Variants in ABCA1 observed in about 807,000 individuals in gnomAD.
The protein encoded by ABCA1 is phospholipid-transporting ATPase ABCA1.
ABCA1 carries 133 observed loss-of-function variants against 262.5 expected under a neutral mutation model. The observed-to-expected ratio is 0.51, with a 90% CI of 0.44 to 0.59. The LOEUF (loss-of-function observed/expected upper bound fraction) is 0.59, where lower values mean the gene tolerates loss of function less well. Ranked by LOEUF, ABCA1 falls within the 20% of genes least tolerant of loss-of-function variation. The pLI is 0.00. For synonymous variants in ABCA1, 1,022 were observed against 1,043.5 expected, an observed-to-expected ratio of 0.98 and a Z score of 0.40; for missense variants, 2,452 against 2,777.5, an observed-to-expected ratio of 0.88 and a Z score of 2.63.
intron 37 of ABCA1, 56 bp downstream of exon 37, chr9:104,798,365 T>A: frequency 6.3e-7 from 1 of 1,585,108 alleles, no homozygotes; most frequent in Non-Finnish European, 8.7e-7. Context: ...TTCTTATCCA[T>A]ATCAATCCAT....
chr9:104,858,222 G>A (rs1836016293), intron 7 of ABCA1, among the ~76,000 whole-genome samples: 1 of 151,684 alleles, frequency 6.6e-6, no homozygotes, highest in African/African-American at 2.4e-5. Flanking sequence ...ATGAGCTCTT[G>A]CTTAGTATTA....
chr9:104,914,014 T>G (rs186164465), intron 1 of ABCA1, among the ~76,000 whole-genome samples: 8,630 of 151,656 alleles, frequency 0.057, 274 homozygotes, highest in Middle Eastern at 0.088. Flanking sequence ...TTAGCCAGGA[T>G]GGTCTCGATC....
Position 104,811,807 on chromosome 9 carries a change from G to T in ABCA1, c.4050+767C>A, listed in dbSNP as rs368441487. ...CAATGGTCATCATCAACAAACAAAG[G>T]TAACTGAGGATCAGAGAGACTAAGC... On this transcript the variant is annotated intron_variant, in intron 28 of 49. Coordinates refer to ENST00000374736, the MANE Select transcript of ABCA1 (RefSeq NM_005502.4). Among the ~76,000 whole-genome samples the T allele has an allele frequency of 3.9e-5, 6 of 152,258 alleles. No homozygotes were observed. The South Asian group carries it at 1.2e-3, about 32-fold the overall frequency.
At chr9:104,847,122 G>A (rs1025272459) in intron 7 of ABCA1, among the ~76,000 whole-genome samples, 12 of 152,000 alleles carry the variant, frequency 7.9e-5, no homozygotes, top group African/African-American at 2.4e-4. Flanking sequence ...AACAAGAAAC[G>A]CCAGATCCAC....
At chr9:104,921,845 G>A (rs1475926524) in intron 1 of ABCA1, among the ~76,000 whole-genome samples, 1 of 152,154 alleles carries the variant, frequency 6.6e-6, no homozygotes, top group Non-Finnish European at 1.5e-5. Flanking sequence ...ATACACTCAA[G>A]AGGAAGACAA....
intron 3 of ABCA1, among the ~76,000 whole-genome samples, chr9:104,885,089 C>T (rs910857008): frequency 5.9e-5 from 9 of 151,900 alleles, no homozygotes; most frequent in African/African-American, 1.5e-4. Context: ...TACAAAAATT[C>T]GATGGGCTTG....
chr9:104,818,079 C>T (rs1831937231), intron 23 of ABCA1, among the ~76,000 whole-genome samples: 1 of 152,006 alleles, frequency 6.6e-6, no homozygotes, highest in South Asian at 2.1e-4. Flanking sequence ...CTACCAATTC[C>T]CTACAAGCCT....
intron 8 of ABCA1, among the ~76,000 whole-genome samples, chr9:104,844,626 G>T (rs944174154): frequency 6.6e-6 from 1 of 152,100 alleles, no homozygotes; most frequent in African/African-American, 2.4e-5. Flanking sequence ...TTAGATACAA[G>T]CACCAAAAAA....
chr9:104,916,489 C>T (rs1841849242), intron 1 of ABCA1, among the ~76,000 whole-genome samples: 1 of 152,200 alleles, frequency 6.6e-6, no homozygotes, highest in African/African-American at 2.4e-5. Flanking sequence ...AAGGAACAGA[C>T]ATCTACAGAC....
At chr9:104,818,906 T>C in intron 22 of ABCA1, 23 bp from the exon 23 acceptor site, 1 of 1,595,996 alleles carries the variant, frequency 6.3e-7, no homozygotes, top group Non-Finnish European at 8.6e-7. Flanking sequence ...AACACAAGGA[T>C]GTGGGACAGG....
chr9:104,798,531 T>A lies in ABCA1; in HGVS notation c.5011A>T (p.Ser1671Cys). 1.2e-6 allele frequency: 2 copies of A among 1,614,200 alleles called. No individual in the cohort carries two copies. Among genetic ancestry groups the A allele is most frequent in the Non-Finnish European group, 1.7e-6 (2 of 1,180,028 alleles). Residue 1671 changes from serine (S) to cysteine (C), a missense_variant, in exon 37 of 50, where the codon AGC becomes TGC. By Grantham distance (112) the Ser-to-Cys change is moderately radical. Transcript: ENST00000374736. Reference sequence around the variant, plus strand: ...TCCTGGATCAGGAATACGACAAAGCTGGCTGGGACGAAGGACATTGCAAAG... The same window carrying A: ...TCCTGGATCAGGAATACGACAAAGCAGGCTGGGACGAAGGACATTGCAAAG... ...VIFAMSFVPA[S>C]FVVFLIQERV... is the part of the protein sequence containing the mutation.
rs1828568109 is a variant in ABCA1 at position 104,781,884 on chromosome 9, G to A, written c.*2431C>T. On this transcript the variant is annotated 3_prime_UTR_variant, in exon 50 of 50. Transcript: ENST00000374736. ...TGGTAAAAATTTCTACCACAATTAG[G>A]TTTACACAGGAAAATGTAAAAAATT... 6.6e-6 allele frequency: 1 copy of A among 152,160 alleles called. No homozygotes were observed. Among genetic ancestry groups the A allele is most frequent in the Admixed American group, 6.6e-5 (1 of 15,258 alleles). 9.4% of individuals were successfully genotyped at this position (152,160 alleles called of 1,614,324 possible).
At chr9:104,911,719 T>C (rs555080048) in intron 1 of ABCA1, among the ~76,000 whole-genome samples, 9 of 152,266 alleles carry the variant, frequency 5.9e-5, no homozygotes, top group African/African-American at 2.2e-4. Flanking sequence ...GGAAACTACC[T>C]TGAGTTAGGG....
chr9:104,825,166 T>C (rs1832712599), intron 17 of ABCA1, among the ~76,000 whole-genome samples: 1 of 152,246 alleles, frequency 6.6e-6, no homozygotes, highest in Non-Finnish European at 1.5e-5. Context: ...AGAGCTAGTA[T>C]ATTTAATTAT....
At chr9:104,832,518 G>T in intron 12 of ABCA1, 56 bp downstream of exon 12, 2 of 1,584,554 alleles carry the variant, frequency 1.3e-6, no homozygotes, top group Non-Finnish European at 1.7e-6. Flanking sequence ...TTATTGTAAC[G>T]TCTCAGAGAA....
At chr9:104,825,632 G>A (rs764041319) in intron 17 of ABCA1, 51 bp downstream of exon 17, 11 of 1,566,648 alleles carry the variant, frequency 7.0e-6, no homozygotes, top group Non-Finnish European at 8.8e-6. Context: ...CACAAAGAAA[G>A]GACATCAGCT....
At chr9:104,829,436 A>G (rs1428805784) in intron 14 of ABCA1, among the ~76,000 whole-genome samples, 1 of 152,174 alleles carries the variant, frequency 6.6e-6, no homozygotes, top group East Asian at 1.9e-4. Context: ...AGTACTAAAA[A>G]CCAAAACAAA....
At chr9:104,818,203 G>A (rs186804919) in intron 23 of ABCA1, among the ~76,000 whole-genome samples, 4 of 151,750 alleles carry the variant, frequency 2.6e-5, no homozygotes, top group East Asian at 1.9e-4. Flanking sequence ...TGGTAACAAC[G>A]CTATATAAAA....
rs61340012 is a variant in ABCA1, at chr9:104,850,119, TTTTG to T, written c.721-4554_721-4551del. Among the ~76,000 whole-genome samples the T allele has an allele frequency of 2.7e-4, 41 of 151,374 alleles. 1 individual carries two copies. Among genetic ancestry groups the T allele is most frequent in the African/African-American group, 5.8e-4 (24 of 41,116 alleles). On this transcript the variant is annotated intron_variant, in intron 7 of 49. Coordinates refer to ENST00000374736, the MANE Select transcript of ABCA1 (RefSeq NM_005502.4). Reference sequence around the variant, plus strand: ...ATGGATGATGGTACAGGAGTGTTCTTTTTGTTTGTTTGTTTGTTTGAAGACGGAG... The same window carrying T: ...ATGGATGATGGTACAGGAGTGTTCTTTTTGTTTGTTTGTTTGAAGACGGAG...
Sources: gnomAD v4.1 joint callset for allele counts (sites outside exome capture counted in the v4.1 genomes callset) on GRCh38, gnomAD v4.1.1 for gene constraint, MANE v1.5 for transcripts, NCBI Gene and HGNC (gene_info 2026-07-23, HGNC 2026-07-21) for gene names.